Variants in DYNC2H1 observed in about 807,000 individuals in gnomAD.
DYNC2H1 encodes dynein cytoplasmic 2 heavy chain 1, also known as cytoplasmic dynein 2 heavy chain 1.
DYNC2H1 carries 410 observed loss-of-function variants against 570.0 expected under a neutral mutation model. The observed-to-expected ratio is 0.72, with a 90% CI of 0.66 to 0.78. The LOEUF (loss-of-function observed/expected upper bound fraction) is 0.78. Among genes scored for constraint, DYNC2H1 ranks in the 30% least tolerant of loss-of-function variants. DYNC2H1 has a pLI of 0.00. For synonymous variants in DYNC2H1, 1,688 were observed against 1,677.6 expected, an observed-to-expected ratio of 1.01 and a Z score of -0.15; for missense variants, 4,865 against 5,046.4, an observed-to-expected ratio of 0.96 and a Z score of 1.09.
Position 103,226,012 on chromosome 11 carries a change from G to A in DYNC2H1, c.9353+2926G>A, listed in dbSNP as rs562506655. Among the ~76,000 whole-genome samples, 17 of 151,494 alleles carry A rather than the reference G, an allele frequency of 1.1e-4. No homozygotes were observed. In the South Asian group the frequency reaches 3.5e-3, roughly 32 times the overall value. On this transcript the variant is annotated intron_variant, in intron 59 of 88. Transcript: ENST00000375735. Reference sequence around the variant, plus strand: ...CTGAGTTCTTGATTTGATTCTTAGTGTGGTTGCAGTTGGTGTATAGCAGAG... The same window carrying A: ...CTGAGTTCTTGATTTGATTCTTAGTATGGTTGCAGTTGGTGTATAGCAGAG...
chr11:103,255,993 TA>T, intron 67 of DYNC2H1, 112 bp from the exon 68 acceptor site: 1 of 939,608 alleles, frequency 1.1e-6, no homozygotes, highest in Non-Finnish European at 1.5e-6. Flanking sequence ...GAAATTCTTC[TA>T]AAATAACATA....
At chr11:103,350,420 A>G (rs532493109) in intron 82 of DYNC2H1, among the ~76,000 whole-genome samples, 105 of 152,168 alleles carry the variant, frequency 6.9e-4, no homozygotes, top group African/African-American at 2.5e-3. Flanking sequence ...TCTTCTTGGG[A>G]TAGGTAGATC....
At chr11:103,410,163 G>A (rs1298561209) in intron 84 of DYNC2H1, among the ~76,000 whole-genome samples, 5 of 152,044 alleles carry the variant, frequency 3.3e-5, no homozygotes, top group Admixed American at 6.6e-5. Flanking sequence ...CTCTATACGT[G>A]TGTAGAGAGA....
chr11:103,137,880 C>G (rs9665969), intron 17 of DYNC2H1, among the ~76,000 whole-genome samples: 120,502 of 145,456 alleles, frequency 0.83, 51,348 homozygotes, highest in Non-Finnish European at 0.92. Flanking sequence ...TCTTCCATTT[C>G]TTTGTATCCT....
chr11:103,158,466 G>C (rs1276926260), intron 26 of DYNC2H1, among the ~76,000 whole-genome samples: 1 of 151,910 alleles, frequency 6.6e-6, no homozygotes, highest in Non-Finnish European at 1.5e-5. Flanking sequence ...AAAAAAATTA[G>C]CTTAGCAAAT....
chr11:103,370,525 G>C (rs1249873276), intron 83 of DYNC2H1, among the ~76,000 whole-genome samples: 1 of 152,144 alleles, frequency 6.6e-6, no homozygotes, highest in Non-Finnish European at 1.5e-5. Flanking sequence ...AAGACCTAGT[G>C]CTGTGCTGGC....
chr11:103,428,850 T>C (rs1046652240), intron 84 of DYNC2H1, among the ~76,000 whole-genome samples: 1 of 152,196 alleles, frequency 6.6e-6, no homozygotes, highest in Non-Finnish European at 1.5e-5. Flanking sequence ...TTCCATTGTA[T>C]GTATATGCCA....
intron 55 of DYNC2H1, among the ~76,000 whole-genome samples, chr11:103,219,414 C>G (rs551441925): frequency 1.3e-5 from 2 of 152,072 alleles, no homozygotes; most frequent in Non-Finnish European, 2.9e-5. Flanking sequence ...GAGTTTGAGA[C>G]CAGCCTGGCC....
rs1462990755 is a variant in DYNC2H1 at position 103,275,740 on chromosome 11, C to A, written c.10696-4608C>A. ...GATTAAAATTCCTTTATCTGGAGGA[C>A]CACAGTTTATCCATTCGGCATCTAC... On this transcript the variant is annotated intron_variant, in intron 70 of 88. Coordinates refer to ENST00000375735, the MANE Select transcript of DYNC2H1 (RefSeq NM_001377.3). This position sits in a 1 kb window ranked among gnomAD's most constrained non-coding sequence, Gnocchi z 4.8. Among the ~76,000 whole-genome samples the A allele has an allele frequency of 6.6e-6, 1 of 151,930 alleles. No homozygotes were observed. The highest frequency in any genetic ancestry group is 2.4e-5 in the African/African-American group (1 of 41,334).
chr11:103,150,959 T>G (rs777305095), intron 20 of DYNC2H1, among the ~76,000 whole-genome samples: 6 of 152,170 alleles, frequency 3.9e-5, no homozygotes, highest in Non-Finnish European at 5.9e-5. Context: ...CCTTAGAATC[T>G]CATATTCTGT....
intron 84 of DYNC2H1, among the ~76,000 whole-genome samples, chr11:103,434,510 T>C (rs1056022132): frequency 6.6e-6 from 1 of 151,608 alleles, no homozygotes; most frequent in Admixed American, 6.6e-5. Context: ...ACTTACATTC[T>C]CCTAAAGATC....
rs431905499 is a variant in DYNC2H1, at chr11:103,170,291, G to T, written c.5151+1G>T. On this transcript the variant is annotated splice_donor_variant, in intron 33 of 88. Transcript: ENST00000375735. LOFTEE classifies it high-confidence loss of function. The surrounding 1 kb of genome is among the most constrained non-coding windows in gnomAD (Gnocchi z 4.8). ...AGTTTTAGTCTTTAATTGTGATGAG[G>T]TAGAATAAATAATTATCAAAATATG... 1.3e-6 allele frequency: 2 copies of T among 1,561,748 alleles called. No homozygotes were observed. Among genetic ancestry groups the T allele is most frequent in the Non-Finnish European group, 1.7e-6 (2 of 1,158,510 alleles).
intron 84 of DYNC2H1, chr11:103,404,959 G>T (rs1196932793): frequency 6.6e-6 from 1 of 151,914 alleles, no homozygotes; most frequent in Non-Finnish European, 1.5e-5. Flanking sequence ...GTCTACGTCT[G>T]TTCCTACTGT....
intron 88 of DYNC2H1, among the ~76,000 whole-genome samples, chr11:103,471,820 G>A (rs1002947451): frequency 4.6e-5 from 7 of 152,102 alleles, no homozygotes; most frequent in Non-Finnish European, 8.8e-5. Context: ...GCTACAGTTC[G>A]GAATCATTAG....
rs373225700 is a variant in DYNC2H1, at chr11:103,459,052, G to A, written c.12648+2696G>A. Among the ~76,000 whole-genome samples the A allele has an allele frequency of 4.0e-5, 6 of 151,790 alleles. No homozygotes were observed. The South Asian group carries it at 1.3e-3, about 32-fold the overall frequency. On this transcript the variant is annotated intron_variant, in intron 87 of 88. Coordinates refer to ENST00000375735, the MANE Select transcript of DYNC2H1 (RefSeq NM_001377.3). ...AGGCCGGGCGCGGTGGCTCACGCCT[G>A]TAATCCCAGCACTTTGGGAGGCCGA...
chr11:103,156,874 T>C (rs1860859074), intron 26 of DYNC2H1, 104 bp downstream of exon 26: 5 of 1,375,354 alleles, frequency 3.6e-6, no homozygotes, highest in Non-Finnish European at 4.9e-6. Context: ...ATGATTGGTA[T>C]CCTCTGTGTA....
At position 103,181,909 on chromosome 11, in the gene DYNC2H1, T is replaced by A. The variant is rs1264991431; in HGVS notation, c.6477+23T>A. The A allele has an allele frequency of 2.5e-6, 4 of 1,594,132 alleles. No homozygotes were observed. The highest frequency in any genetic ancestry group is 1.1e-5 in the South Asian group (1 of 87,662). The stretch of plus-strand genomic sequence containing the variant: ...CAGGTAAATTAACCATAATATTTCA[T>A]AATTAATCGAGGTGAGAAGTATGAT... On this transcript the variant is annotated intron_variant, in intron 40 of 88. Coordinates refer to ENST00000375735, the MANE Select transcript of DYNC2H1 (RefSeq NM_001377.3). This position sits in a 1 kb window ranked among gnomAD's most constrained non-coding sequence, Gnocchi z 5.0.
At position 103,180,785 on chromosome 11, in the gene DYNC2H1, T is replaced by C. The variant is rs1329733721; in HGVS notation, c.6348-972T>C. ...AAAATACCATTGGTAAGAAACTCTT[T>C]ATTCTGAAGGAGCTTAGCATCTTTG... On this transcript the variant is annotated intron_variant, in intron 39 of 88. Transcript: ENST00000375735. 8.6e-5 allele frequency among the ~76,000 whole-genome samples: 13 copies of C among 151,776 alleles called. No homozygotes were observed. The East Asian group carries it at 2.5e-3, about 29-fold the overall frequency.
In DYNC2H1 at chr11:103,123,120, TTTG is replaced by T. The variant is rs556064388; in HGVS notation, c.1661+126_1661+128del. 1.9e-4 allele frequency: 152 copies of T among 817,774 alleles called. No homozygotes were observed. The African/African-American group carries it at 2.5e-3, about 13-fold the overall frequency. 50.7% of individuals were successfully genotyped at this position (817,774 alleles called of 1,614,324 possible). A position where few individuals can be genotyped will look rare whatever the true frequency, so the allele number is the denominator to read the frequency against. On this transcript the variant is annotated intron_variant, in intron 11 of 88. Coordinates refer to ENST00000375735, the MANE Select transcript of DYNC2H1 (RefSeq NM_001377.3). Reference sequence around the variant, plus strand: ...CTTGCTACTCCTCCTGTAATTTTTTTTTGTTGTTTGTTTTTGATCATCAACTTT... The same window carrying T: ...CTTGCTACTCCTCCTGTAATTTTTTTTTGTTTGTTTTTGATCATCAACTTT...
Sources: allele counts gnomAD v4.1 joint callset (sites outside exome capture counted in the v4.1 genomes callset), GRCh38; gene constraint gnomAD v4.1.1; non-coding constraint Gnocchi (gnomAD v3.1); transcripts MANE v1.5; gene names NCBI Gene and HGNC (gene_info 2026-07-23, HGNC 2026-07-21).